SPIDR: variants seen among roughly 807,000 people sequenced by gnomAD.
SPIDR encodes DNA repair-scaffolding protein.
A neutral mutation model predicts 104.6 loss-of-function variants in SPIDR; 93 were observed. The ratio of observed to expected loss-of-function variants is 0.89; its 90% CI spans 0.75 to 1.06. The LOEUF (loss-of-function observed/expected upper bound fraction) is 1.06, where lower values mean the gene tolerates loss of function less well. Among genes scored for constraint, SPIDR ranks in the 50% least tolerant of loss-of-function variants. The pLI is 0.00. For synonymous variants in SPIDR, 431 were observed against 416.9 expected (o/e 1.03, Z -0.41); for missense variants, 1,154 against 1,111.2 (o/e 1.04, Z -0.55).
intron 8 of SPIDR, among the ~76,000 whole-genome samples, chr8:47,590,048 C>T (rs111981868): frequency 0.018 from 2,752 of 151,920 alleles, 82 homozygotes; most frequent in African/African-American, 0.064. Flanking sequence ...GTGGTGGGCA[C>T]CTGTAATCCC....
intron 8 of SPIDR, among the ~76,000 whole-genome samples, chr8:47,495,884 T>C (rs542851425): frequency 6.6e-6 from 1 of 152,274 alleles, no homozygotes; most frequent in African/African-American, 2.4e-5. Flanking sequence ...TATATTTCTG[T>C]CCTTATGCCA....
intron 5 of SPIDR, among the ~76,000 whole-genome samples, chr8:47,317,686 G>A (rs1393710838): frequency 6.6e-6 from 1 of 152,150 alleles, no homozygotes; most frequent in Non-Finnish European, 1.5e-5. Context: ...GCTTAACTGG[G>A]AGGCACCCCC....
At chr8:47,622,262 G>GAAAACAAAAAGGTCTAAAA (rs2065269522) in intron 10 of SPIDR, among the ~76,000 whole-genome samples, 1 of 152,166 alleles carries the variant, frequency 6.6e-6, no homozygotes, top group African/African-American at 2.4e-5. Flanking sequence ...TCTAAAGATG[G>GAAAACAAAAAGGTCTAAAA]CTTTGAAGTT....
chr8:47,486,637 C>T (rs2077673005), intron 8 of SPIDR, among the ~76,000 whole-genome samples: 1 of 152,222 alleles, frequency 6.6e-6, no homozygotes, highest in African/African-American at 2.4e-5. Context: ...GCCCATCAGA[C>T]TAACAGCGGA....
chr8:47,530,999 C>T (rs1459737628), intron 8 of SPIDR, among the ~76,000 whole-genome samples: 4 of 151,944 alleles, frequency 2.6e-5, no homozygotes, highest in Admixed American at 6.6e-5. Flanking sequence ...CAGCCTCAAA[C>T]TCCTGGGCAC....
chr8:47,552,951 G>A (rs2090781637), intron 8 of SPIDR, among the ~76,000 whole-genome samples: 1 of 152,152 alleles, frequency 6.6e-6, no homozygotes, highest in South Asian at 2.1e-4. Flanking sequence ...TGCATGGCAG[G>A]CCTGGTGGTG....
At chr8:47,271,295 T>A (rs948610727) in intron 1 of SPIDR, among the ~76,000 whole-genome samples, 7 of 152,200 alleles carry the variant, frequency 4.6e-5, no homozygotes, top group Non-Finnish European at 8.8e-5. Flanking sequence ...TCTTCAAATA[T>A]TCTTTTTACC....
At chr8:47,339,711 G>A (rs1369738660) in intron 5 of SPIDR, among the ~76,000 whole-genome samples, 4 of 140,876 alleles carry the variant, frequency 2.8e-5, no homozygotes, top group Non-Finnish European at 4.5e-5. Context: ...GTGGAGTCTC[G>A]CACTGTCGCC....
intron 5 of SPIDR, among the ~76,000 whole-genome samples, chr8:47,308,255 G>T (rs1407712148): frequency 1.3e-5 from 2 of 151,774 alleles, no homozygotes; most frequent in Non-Finnish European, 2.9e-5. Flanking sequence ...TAGAGATGGG[G>T]TTTCGCCATG....
intron 8 of SPIDR, among the ~76,000 whole-genome samples, chr8:47,525,541 CTGTAA>C (rs56362393): frequency 0.45 from 68,070 of 151,802 alleles, 18,765 homozygotes; most frequent in East Asian, 0.65. Context: ...TGGCTCACGC[CTGTAA>C]TCCCAGCATT....
chr8:47,424,548 CCT>C (rs1554683334), intron 7 of SPIDR, among the ~76,000 whole-genome samples: 1 of 152,076 alleles, frequency 6.6e-6, no homozygotes, highest in African/African-American at 2.4e-5. Context: ...GAACTCTTGG[CCT>C]CAAGGGAACC....
chr8:47,612,068 A>G (rs2063682718), intron 10 of SPIDR, among the ~76,000 whole-genome samples: 1 of 152,164 alleles, frequency 6.6e-6, no homozygotes, highest in Non-Finnish European at 1.5e-5. Context: ...ATCTCAGTGC[A>G]GGTTGTCTAC....
At chr8:47,461,940 G>T (rs1217696065) in intron 8 of SPIDR, among the ~76,000 whole-genome samples, 1 of 151,754 alleles carries the variant, frequency 6.6e-6, no homozygotes, top group Non-Finnish European at 1.5e-5. Context: ...TCTTGGTTTG[G>T]ATCCCTTCCT....
At chr8:47,636,406 T>G (rs1022506570) in intron 10 of SPIDR, among the ~76,000 whole-genome samples, 1 of 152,198 alleles carries the variant, frequency 6.6e-6, no homozygotes, top group Non-Finnish European at 1.5e-5. Flanking sequence ...GGCCTCGAAG[T>G]GTTCAGATGA....
chr8:47,623,012 T>C (rs2065395000), intron 10 of SPIDR, among the ~76,000 whole-genome samples: 1 of 152,182 alleles, frequency 6.6e-6, no homozygotes, highest in Non-Finnish European at 1.5e-5. Context: ...AGTCTGTCCA[T>C]CTGTGAGATG....
chr8:47,577,847 G>A (rs2059295238), intron 8 of SPIDR, among the ~76,000 whole-genome samples: 2 of 152,168 alleles, frequency 1.3e-5, no homozygotes, highest in South Asian at 4.1e-4. Flanking sequence ...ATCAAAGTCT[G>A]GAGGTGGGAC....
At chr8:47,287,857 T>G (rs2039159475) in intron 3 of SPIDR, among the ~76,000 whole-genome samples, 5 of 152,332 alleles carry the variant, frequency 3.3e-5, no homozygotes, top group African/African-American at 1.2e-4. Context: ...ATTCTCAGTT[T>G]ATGAAGATAA....
intron 1 of SPIDR, among the ~76,000 whole-genome samples, chr8:47,268,499 T>C (rs2154212542): frequency 6.6e-6 from 1 of 152,368 alleles, no homozygotes; most frequent in South Asian, 2.1e-4. Flanking sequence ...TATCTATGTT[T>C]TACAGTTTTC....
At chr8:47,460,944 T>C (rs1400108819) in intron 8 of SPIDR, among the ~76,000 whole-genome samples, 5 of 152,220 alleles carry the variant, frequency 3.3e-5, no homozygotes, top group African/African-American at 1.2e-4. Context: ...TACAAAGTTC[T>C]TGGCTGATAA....
Sources: gnomAD v4.1 joint callset for allele counts (sites outside exome capture counted in the v4.1 genomes callset) on GRCh38, gnomAD v4.1.1 for gene constraint, MANE v1.5 for transcripts, NCBI Gene and HGNC (gene_info 2026-07-23, HGNC 2026-07-21) for gene names.